The following LYST variants were observed in gnomAD, a reference collection of about 807,000 sequenced individuals.
LYST encodes the protein lysosomal-trafficking regulator.
In LYST, 192 loss-of-function variants were observed where a neutral mutation model predicts 413.6. That is an observed-to-expected ratio of 0.46 (90% CI 0.41 to 0.52). LYST has a LOEUF of 0.52. Among genes scored for constraint, LYST ranks in the 20% least tolerant of loss-of-function variants. The pLI, the probability that LYST is intolerant of heterozygous loss-of-function variation, is 0.00. For synonymous variants in LYST, 1,525 were observed against 1,567.3 expected, an observed-to-expected ratio of 0.97 and a Z score of 0.64; for missense variants, 3,815 against 4,499.9, an observed-to-expected ratio of 0.85 and a Z score of 4.35.
chr1:235,670,563 A>G (rs957377905), intron 50 of LYST, among the ~76,000 whole-genome samples: 2 of 152,206 alleles, frequency 1.3e-5, no homozygotes, highest in African/African-American at 4.8e-5. Context: ...ACCCACCAGC[A>G]TGATGAATAT....
chr1:235,733,298 C>T (rs7515184), intron 34 of LYST, among the ~76,000 whole-genome samples: 2 of 151,622 alleles, frequency 1.3e-5, no homozygotes, highest in East Asian at 1.9e-4. Context: ...TGAGCTACTG[C>T]CCCCCTCATT....
In LYST at chr1:235,723,975, A is replaced by C. The variant is rs182357114; in HGVS notation, c.9315+53T>G. 3.7e-4 allele frequency: 524 copies of C among 1,433,498 alleles called. 1 individual carries two copies. The African/African-American group carries it at 6.6e-3, about 18-fold the overall frequency. The allele number at this position is 1,433,498 out of a possible 1,614,324, so 88.8% of individuals were successfully genotyped here. ...ATGTAATCAGTATGAGTATAGTTAC[A>C]GTGGCCCATGAGCACTTAAACAATA... On this transcript the variant is annotated intron_variant, in intron 39 of 52. Coordinates refer to ENST00000389793, the MANE Select transcript of LYST (RefSeq NM_000081.4).
chr1:235,819,199 AT>A (rs1317827428), intron 3 of LYST, among the ~76,000 whole-genome samples: 2 of 152,076 alleles, frequency 1.3e-5, no homozygotes, highest in African/African-American at 4.8e-5. Context: ...TTTCCTTCAC[AT>A]TTCATTACCA....
chr1:235,708,809 T>C (rs1662187950), intron 44 of LYST, among the ~76,000 whole-genome samples: 1 of 152,216 alleles, frequency 6.6e-6, no homozygotes, highest in Non-Finnish European at 1.5e-5. Context: ...TATCATTTAC[T>C]GTAATAAACC....
intron 48 of LYST, among the ~76,000 whole-genome samples, chr1:235,680,838 A>T (rs1659757241): frequency 6.6e-6 from 1 of 151,938 alleles, no homozygotes. Flanking sequence ...ACCTCAGGTG[A>T]TCCGCCTGCC....
intron 50 of LYST, among the ~76,000 whole-genome samples, chr1:235,665,512 T>C (rs1203442436): frequency 3.3e-5 from 5 of 149,674 alleles, no homozygotes; most frequent in Non-Finnish European, 7.4e-5. Context: ...CTAGGGAGGC[T>C]GAGGCAGAAG....
In LYST at chr1:235,744,058, T is replaced by C. The variant is rs202185548; in HGVS notation, c.8072A>G (p.His2691Arg). Reference protein sequence around the residue: ...FQTEISEENIHHEQSSVFNPF... With the variant: ...FQTEISEENIRHEQSSVFNPF... ...ATTGAAAACAGAAGACTGTTCATGA[T>C]GAATATTTTCCTCAGAAATTTCGGT... The change falls in exon 30 of 53, where the codon CAT becomes CGT. Residue 2691 changes from histidine to arginine, a missense_variant. By Grantham distance (29) the His-to-Arg change is conservative (BLOSUM62 0). Coordinates refer to ENST00000389793, the MANE Select transcript of LYST (RefSeq NM_000081.4). 2.5e-6 allele frequency: 4 copies of C among 1,584,992 alleles called. No homozygotes were observed. The highest frequency in any genetic ancestry group is 2.2e-5 in the South Asian group (2 of 90,440).
At chr1:235,696,709 CTTG>C (rs918207287) in intron 46 of LYST, among the ~76,000 whole-genome samples, 12 of 152,158 alleles carry the variant, frequency 7.9e-5, no homozygotes, top group African/African-American at 2.7e-4. Context: ...TCTCGACATC[CTTG>C]TTGTGTTTGT....
In LYST at chr1:235,677,176, T is replaced by A; in HGVS notation, c.10953A>T (p.Val3651=). 6.2e-7 allele frequency: 1 copy of A among 1,611,996 alleles called. No homozygotes were observed. Among genetic ancestry groups the A allele is most frequent in the South Asian group, 1.1e-5 (1 of 91,038 alleles). The change falls in exon 50 of 53, where the codon GTA becomes GTT. Residue 3651 remains valine (V), a synonymous_variant. Coordinates refer to ENST00000389793, the MANE Select transcript of LYST (RefSeq NM_000081.4). The part of the protein sequence containing the change: ...IIWDLNRLCY[V]QSLAGHKSPV... ...GGCTTTTGTGTCCCGCCAGACTTTG[T>A]ACATAGCATAACCTGAAAGAAAAAA...
intron 19 of LYST, among the ~76,000 whole-genome samples, chr1:235,771,922 T>G (rs1454682348): frequency 6.2e-5 from 9 of 145,156 alleles, no homozygotes; most frequent in Non-Finnish European, 1.2e-4. Context: ...AGTTTGTTTT[T>G]TTTTTTTTTT....
intron 1 of LYST, among the ~76,000 whole-genome samples, chr1:235,835,810 T>C (rs1244233247): frequency 6.6e-6 from 1 of 152,220 alleles, no homozygotes; most frequent in Non-Finnish European, 1.5e-5. Context: ...TAGTTACTTA[T>C]CTATGACTGT....
At position 235,813,038 on chromosome 1, in the gene LYST, G is replaced by T; in HGVS notation, c.216C>A (p.Leu72=). The T allele has an allele frequency of 1.2e-6, 2 of 1,607,282 alleles. No individual in the cohort carries two copies. The highest frequency in any genetic ancestry group is 1.7e-6 in the Non-Finnish European group (2 of 1,173,968). ...GAAGGAGAGACAGAAGAAGAGTCAGGAGTTCTTCTCTACATGTCAATGCCT... is the reference window on the plus strand; with the variant it reads ...GAAGGAGAGACAGAAGAAGAGTCAGTAGTTCTTCTCTACATGTCAATGCCT... ...IDQALTCREE[L]LTLLLSLLPL... The change falls in exon 4 of 53, where the codon CTC becomes CTA. Residue 72 remains leucine, a synonymous_variant. Coordinates refer to ENST00000389793, the MANE Select transcript of LYST (RefSeq NM_000081.4).
intron 1 of LYST, among the ~76,000 whole-genome samples, chr1:235,864,250 CCTTA>C (rs779661816): frequency 3.9e-5 from 6 of 152,060 alleles, no homozygotes; most frequent in East Asian, 1.9e-4. Context: ...CTGAATAAAG[CCTTA>C]CTTACCATTC....
intron 3 of LYST, among the ~76,000 whole-genome samples, chr1:235,819,248 T>C (rs999506446): frequency 6.6e-6 from 1 of 152,212 alleles, no homozygotes; most frequent in Admixed American, 6.5e-5. Flanking sequence ...GAAGTTCTCT[T>C]CAATCCTCTG....
rs1456780562 is a variant in LYST, at chr1:235,724,136, A to G, written c.9207T>C (p.Tyr3069=). The change falls in exon 39 of 53, where the codon TAT becomes TAC. Residue 3069 remains tyrosine (Y), a synonymous_variant. Transcript: ENST00000389793. ...ELEPASFSWT[Y]EEIKEVHKRW... ...GCTTGTGAACTTCTTTAATTTCTTCATATGTCCAGGAAAATGATGCTGGTT... is the reference window on the plus strand; with the variant it reads ...GCTTGTGAACTTCTTTAATTTCTTCGTATGTCCAGGAAAATGATGCTGGTT... The G allele has an allele frequency of 6.2e-7, 1 of 1,613,714 alleles. No homozygotes were observed. Among genetic ancestry groups the G allele is most frequent in the East Asian group, 2.2e-5 (1 of 44,874 alleles).
intron 45 of LYST, among the ~76,000 whole-genome samples, chr1:235,699,986 G>T (rs1190634745): frequency 2.0e-5 from 3 of 152,174 alleles, no homozygotes; most frequent in African/African-American, 7.2e-5. Context: ...AAGCAATGGG[G>T]AAAGGATTCC....
intron 40 of LYST, among the ~76,000 whole-genome samples, chr1:235,718,713 C>T (rs1663067729): frequency 1.3e-5 from 2 of 151,966 alleles, no homozygotes; most frequent in African/African-American, 2.4e-5. Flanking sequence ...ACAAAATATT[C>T]CCTCATCAAC....
intron 49 of LYST, 111 bp from the exon 50 acceptor site, chr1:235,677,299 G>T: frequency 9.4e-7 from 1 of 1,067,360 alleles, no homozygotes; most frequent in Non-Finnish European, 1.4e-6. Context: ...AGGCATACAT[G>T]TTTTCCTATC....
At chr1:235,736,721 A>G (rs1664852755) in intron 31 of LYST, 1 of 152,178 alleles carries the variant, frequency 6.6e-6, no homozygotes, top group East Asian at 1.9e-4. Context: ...AGGATATACT[A>G]AGTGAAGAAA....
Sources: gnomAD v4.1 joint callset for allele counts (sites outside exome capture counted in the v4.1 genomes callset) on GRCh38, gnomAD v4.1.1 for gene constraint, MANE v1.5 for transcripts, NCBI Gene and HGNC (gene_info 2026-07-23, HGNC 2026-07-21) for gene names.